THOC7: variants seen among roughly 807,000 people sequenced by gnomAD.
The protein encoded by THOC7 is THO complex subunit 7, also known as NIF3L1-binding protein 1.
THOC7 carries 22 observed loss-of-function variants against 33.1 expected under a neutral mutation model. The observed-to-expected ratio is 0.66, with a 90% CI of 0.47 to 0.95. THOC7 has a LOEUF of 0.95. Among genes scored for constraint, THOC7 ranks in the 40% least tolerant of loss-of-function variants. The pLI is 0.00. For missense variants in THOC7, 184 were observed against 245.3 expected (o/e 0.75, Z 1.67); for synonymous variants, 77 against 76.8 (o/e 1.00, Z -0.01).
At position 63,838,405 on chromosome 3, in the gene THOC7, T is replaced by C; in HGVS notation, c.232A>G (p.Met78Val). The part of the protein sequence containing the change: ...LLVYDMNLRE[M>V]ENYEKIYKEI... Reference sequence around the variant, plus strand: ...TTGTAAATTTTTTCATAATTTTCCATTTCTCTGAGATTCATATCATATACT... The same window carrying C: ...TTGTAAATTTTTTCATAATTTTCCACTTCTCTGAGATTCATATCATATACT... Residue 78 changes from methionine to valine, a missense_variant, in exon 3 of 8, where the codon ATG becomes GTG. Coordinates refer to ENST00000295899, the MANE Select transcript of THOC7 (RefSeq NM_025075.4). The C allele has an allele frequency of 1.3e-6, 2 of 1,573,164 alleles. No individual in the cohort carries two copies. The highest frequency in any genetic ancestry group is 1.7e-6 in the Non-Finnish European group (2 of 1,152,836).
chr3:63,844,991 T>C, intron 1 of THOC7: 1 of 685,008 alleles, frequency 1.5e-6, no homozygotes, highest in Non-Finnish European at 2.7e-6. Flanking sequence ...AATTGAGATC[T>C]TTACATTTGT....
At chr3:63,838,534 T>C (rs1012696122) in intron 2 of THOC7, 35 bp from the exon 3 acceptor site, 26 of 1,570,392 alleles carry the variant, frequency 1.7e-5, no homozygotes, top group Non-Finnish European at 2.1e-5. Flanking sequence ...AATAAAGATA[T>C]TTGTGGACTG....
At chr3:63,859,721 T>C (rs751708615) in intron 1 of THOC7, among the ~76,000 whole-genome samples, 2 of 152,266 alleles carry the variant, frequency 1.3e-5, no homozygotes, top group East Asian at 1.9e-4. Flanking sequence ...CACTGCAAAG[T>C]AGCCAGGACC....
intron 1 of THOC7, among the ~76,000 whole-genome samples, chr3:63,842,832 A>C (rs2107134232): frequency 6.6e-6 from 1 of 152,304 alleles, no homozygotes; most frequent in African/African-American, 2.4e-5. Flanking sequence ...ATCTGGCTGG[A>C]ATGCAGTGGC....
intron 1 of THOC7, among the ~76,000 whole-genome samples, chr3:63,854,289 C>A (rs1261849432): frequency 2.6e-5 from 4 of 152,228 alleles, no homozygotes; most frequent in African/African-American, 9.6e-5. Flanking sequence ...TAGTTCCTAA[C>A]ACAAATGCCA....
chr3:63,846,565 G>T (rs983290653), intron 1 of THOC7, among the ~76,000 whole-genome samples: 1 of 152,046 alleles, frequency 6.6e-6, no homozygotes, highest in Middle Eastern at 3.4e-3. Flanking sequence ...CCACCACCAC[G>T]CCAGGCTAAT....
At chr3:63,855,000 TC>T (rs1273822639) in intron 1 of THOC7, among the ~76,000 whole-genome samples, 1 of 147,702 alleles carries the variant, frequency 6.8e-6, no homozygotes, top group Non-Finnish European at 1.5e-5. Context: ...AGAGCGAGAC[TC>T]CGTCTCAAAA....
At chr3:63,847,026 T>C (rs1378920166) in intron 1 of THOC7, among the ~76,000 whole-genome samples, 1 of 152,064 alleles carries the variant, frequency 6.6e-6, no homozygotes, top group Non-Finnish European at 1.5e-5. Flanking sequence ...AAAAATTCAC[T>C]AGTAGGAGGG....
chr3:63,859,040 T>G (rs545857304), intron 1 of THOC7, among the ~76,000 whole-genome samples: 43 of 152,348 alleles, frequency 2.8e-4, no homozygotes, highest in African/African-American at 9.1e-4. Flanking sequence ...TTGGCTCTTA[T>G]GTAAGCTCCA....
chr3:63,863,533 C>G, intron 1 of THOC7: 1 of 1,192,658 alleles, frequency 8.4e-7, no homozygotes, highest in Non-Finnish European at 1.0e-6. Flanking sequence ...TCCGGGAGAG[C>G]GGACGGGGAA....
upstream of THOC7, chr3:63,863,901 G>A: frequency 5.4e-6 from 6 of 1,104,686 alleles, no homozygotes; most frequent in Non-Finnish European, 6.6e-6. Flanking sequence ...TGGAGGAGGA[G>A]GCGGCGGCGC....
chr3:63,836,312 A>T lies in THOC7; in HGVS notation c.399T>A (p.His133Gln). ...AKVIQHHPDRHETLKELEALG... is the reference protein window; with the variant it reads ...AKVIQHHPDRQETLKELEALG... ...AGCTCTACACTTACTTTAATGTCTC[A>T]TGCCTGTCTGGATGGTGCTGAATCA... is the stretch of plus-strand genomic sequence containing the variant. Residue 133 changes from histidine to glutamine, a missense_variant, in exon 5 of 8, where the codon CAT (histidine) becomes CAA (glutamine). This residue lies in a region of THOC7 where 157 missense variants were observed against 201.3 expected (regional missense o/e 0.78). Transcript: ENST00000295899. 1 of 1,612,762 alleles carries T rather than the reference A, an allele frequency of 6.2e-7. No individual in the cohort carries two copies. The highest frequency in any genetic ancestry group is 1.1e-5 in the South Asian group (1 of 91,002).
At chr3:63,843,882 C>T (rs1197371486) in intron 1 of THOC7, among the ~76,000 whole-genome samples, 1 of 150,906 alleles carries the variant, frequency 6.6e-6, no homozygotes, top group Admixed American at 6.6e-5. Flanking sequence ...GCCTGGGCGA[C>T]AGAGTGAGAC....
At chr3:63,837,228 C>T (rs1281646429) in intron 4 of THOC7, among the ~76,000 whole-genome samples, 1 of 151,828 alleles carries the variant, frequency 6.6e-6, no homozygotes, top group Non-Finnish European at 1.5e-5. Flanking sequence ...AACACAAAAA[C>T]AGAGAAAAGA....
chr3:63,856,960 T>C (rs1045280339), intron 1 of THOC7, among the ~76,000 whole-genome samples: 3 of 152,270 alleles, frequency 2.0e-5, no homozygotes, highest in African/African-American at 4.8e-5. Flanking sequence ...CCTCGTGACC[T>C]ACCCGCCTCG....
intron 1 of THOC7, among the ~76,000 whole-genome samples, chr3:63,854,232 G>C (rs1311807699): frequency 1.3e-5 from 2 of 152,212 alleles, no homozygotes; most frequent in Non-Finnish European, 2.9e-5. Flanking sequence ...CTCTCAGTTT[G>C]AGAATAGCCT....
intron 1 of THOC7, among the ~76,000 whole-genome samples, chr3:63,858,637 A>G (rs530028366): frequency 6.6e-6 from 1 of 152,316 alleles, no homozygotes; most frequent in East Asian, 1.9e-4. Context: ...GGGTACTAAC[A>G]ATATTTAGCA....
chr3:63,845,109 TG>T (rs1701860520), intron 1 of THOC7: 6 of 687,026 alleles, frequency 8.7e-6, no homozygotes, highest in Middle Eastern at 2.3e-4. Flanking sequence ...TTTCTGGGGG[TG>T]GGGGGTACTA....
At chr3:63,837,457 A>G (rs912220858) in intron 4 of THOC7, among the ~76,000 whole-genome samples, 1 of 152,086 alleles carries the variant, frequency 6.6e-6, no homozygotes, top group Non-Finnish European at 1.5e-5. Context: ...CTTAAAAACA[A>G]GAGATTATAA....
Sources: gnomAD v4.1 joint callset for allele counts (sites outside exome capture counted in the v4.1 genomes callset) on GRCh38, gnomAD v4.1.1 for gene constraint, gnomAD v4.1.1 regional missense constraint, MANE v1.5 for transcripts, NCBI Gene and HGNC (gene_info 2026-07-23, HGNC 2026-07-21) for gene names.